Variants in FYCO1 observed in about 807,000 individuals in gnomAD.
FYCO1 encodes the protein FYVE and coiled-coil domain-containing protein 1.
Under a neutral mutation model 165.1 loss-of-function variants are expected in FYCO1, and 122 were observed. The ratio of observed to expected loss-of-function variants is 0.74; its 90% CI spans 0.64 to 0.86. The LOEUF (loss-of-function observed/expected upper bound fraction) is 0.86, where lower values mean the gene tolerates loss of function less well. Among genes scored for constraint, FYCO1 ranks in the 40% least tolerant of loss-of-function variants. The pLI is 0.00. For missense variants in FYCO1, 1,702 were observed against 1,810.3 expected (o/e 0.94, Z 1.09); for synonymous variants, 648 against 742.5 (o/e 0.87, Z 2.07).
rs750023102 is a variant in FYCO1, at chr3:45,958,576, C to G, written c.3631G>C (p.Val1211Leu). The G allele has an allele frequency of 1.9e-6, 3 of 1,614,188 alleles. No individual in the cohort carries two copies. In the South Asian group the frequency reaches 3.3e-5, roughly 18 times the overall value. Residue 1211 changes from valine to leucine, a missense_variant, in exon 13 of 18, where the codon GTC becomes CTC. Transcript: ENST00000296137. ...TTTTTGCCACCGTGCTTGCTCAGGA[C>G]GTAGTTGTTGCAGCAGTAGTAACAG... ...IFCYYCCNNY[V>L]LSKHGGKKER...
At chr3:45,949,156 C>G (rs573666607) in intron 14 of FYCO1, among the ~76,000 whole-genome samples, 1 of 152,174 alleles carries the variant, frequency 6.6e-6, no homozygotes, top group African/African-American at 2.4e-5. Flanking sequence ...CCCACATGAT[C>G]CTACCTACTG....
chr3:45,947,242 G>C, intron 14 of FYCO1: 1 of 1,614,112 alleles, frequency 6.2e-7, no homozygotes, highest in Non-Finnish European at 8.5e-7. Context: ...AAGTTCATCC[G>C]CAGCACACAC....
At chr3:45,987,698 G>C (rs1237610660) in intron 1 of FYCO1, among the ~76,000 whole-genome samples, 4 of 152,180 alleles carry the variant, frequency 2.6e-5, no homozygotes, top group Non-Finnish European at 4.4e-5. Context: ...AGCCCACTGG[G>C]TCTGTGTGTA....
chr3:45,948,237 T>C lies in FYCO1; in HGVS notation c.3944+7012A>G, dbSNP rs1445710492. On this transcript the variant is annotated intron_variant, in intron 14 of 17. Transcript: ENST00000296137. The stretch of plus-strand genomic sequence containing the variant: ...GCATTTTAAAAATGAAATTTTCCAA[T>C]GTCTGCCACACAAACGTATGTAAAT... The C allele has an allele frequency of 2.4e-5, 4 of 167,192 alleles. No homozygotes were observed. In the East Asian group the frequency reaches 7.7e-4, roughly 32 times the overall value. 10.4% of individuals were successfully genotyped at this position (167,192 alleles called of 1,614,324 possible). A position where few individuals can be genotyped will look rare whatever the true frequency, so the allele number is the denominator to read the frequency against.
intron 14 of FYCO1, among the ~76,000 whole-genome samples, chr3:45,952,177 G>T (rs1205141390): frequency 1.3e-5 from 2 of 152,200 alleles, no homozygotes; most frequent in Non-Finnish European, 2.9e-5. Flanking sequence ...TGGTGCAAGG[G>T]AGGCGCTCAA....
chr3:45,924,815 G>A (rs1262633949), intron 16 of FYCO1, among the ~76,000 whole-genome samples: 1 of 152,094 alleles, frequency 6.6e-6, no homozygotes, highest in Non-Finnish European at 1.5e-5. Flanking sequence ...GTTTCACCAT[G>A]TTGGCCAGGT....
chr3:45,942,024 T>C (rs1484221599), intron 14 of FYCO1, among the ~76,000 whole-genome samples: 1 of 152,368 alleles, frequency 6.6e-6, no homozygotes, highest in East Asian at 1.9e-4. Context: ...CATCGGTATG[T>C]AGTCTATGCG....
intron 16 of FYCO1, among the ~76,000 whole-genome samples, chr3:45,929,990 C>G (rs968444150): frequency 1.3e-5 from 2 of 152,174 alleles, no homozygotes; most frequent in Non-Finnish European, 2.9e-5. Flanking sequence ...GCCTCAAGCC[C>G]CTCGAGGGCA....
At chr3:45,930,705 T>C (rs973809103) in intron 16 of FYCO1, among the ~76,000 whole-genome samples, 2 of 152,112 alleles carry the variant, frequency 1.3e-5, no homozygotes, top group African/African-American at 4.8e-5. Flanking sequence ...GGAAGAGAGG[T>C]CACCACCTCC....
Position 45,967,173 on chromosome 3 carries a change from G to A in FYCO1, c.2161C>T (p.Gln721Ter). 5 of 1,613,416 alleles carry A rather than the reference G, an allele frequency of 3.1e-6. No individual in the cohort carries two copies. The highest frequency in any genetic ancestry group is 4.2e-6 in the Non-Finnish European group (5 of 1,179,550). Residue 721 changes from glutamine (Q) to a stop codon, truncating the protein, a stop_gained, in exon 8 of 18, where the codon CAA becomes TAA. Transcript: ENST00000296137. LOFTEE classifies it high-confidence loss of function. The part of the protein sequence containing the change: ...QLREEVEQCQ[Q>*]LAEARHRELR... ...TCTCTGTGCCGGGCTTCTGCCAGTT[G>A]CTGGCACTGCTCCACCTCCTCCCGC...
intron 3 of FYCO1, among the ~76,000 whole-genome samples, chr3:45,980,570 G>A (rs1480489925): frequency 6.6e-6 from 1 of 152,062 alleles, no homozygotes; most frequent in African/African-American, 2.4e-5. Flanking sequence ...AAAAAAGAAA[G>A]GCTCAAAAAC....
chr3:45,955,771 T>C (rs41289616), intron 13 of FYCO1, among the ~76,000 whole-genome samples: 14,282 of 152,310 alleles, frequency 0.094, 1,047 homozygotes, highest in South Asian at 0.35. Context: ...ATCCTTGCTC[T>C]GTAAGACACA....
chr3:45,984,443 A>G, intron 2 of FYCO1: 1 of 350,816 alleles, frequency 2.9e-6, no homozygotes. Flanking sequence ...GGGCAGCAAA[A>G]CAAGATAGGT....
Position 45,921,450 on chromosome 3 carries a change from C to A in FYCO1, c.*315G>T, listed in dbSNP as rs2291470. On this transcript the variant is annotated 3_prime_UTR_variant, in exon 18 of 18. Transcript: ENST00000296137. ...GAAACTCTCCACAAGAGGCCTGTAG[C>A]CAACTGTGCTCCCAGGAGAGGCTGA... The A allele has an allele frequency of 2.6e-6, 1 of 385,868 alleles. No homozygotes were observed. Among genetic ancestry groups the A allele is most frequent in the African/African-American group, 2.1e-5 (1 of 47,996 alleles). 23.9% of individuals were successfully genotyped at this position (385,868 alleles called of 1,614,324 possible).
At position 45,969,675 on chromosome 3, in the gene FYCO1, C is replaced by A. The variant is rs1229531660; in HGVS notation, c.630G>T (p.Gln210His). Residue 210 changes from glutamine to histidine, a missense_variant and splice_region_variant, in exon 7 of 18, where the codon CAG becomes CAT. Coordinates refer to ENST00000296137, the MANE Select transcript of FYCO1 (RefSeq NM_024513.4). ...SMSSLVSSYL[Q>H]TQEMVSNFDL... ...TAATTCCCAGCCTTCCTGGCCTTAC[C>A]TGCAGGTAGCTGCTCACCAAGCTGC... 6.2e-7 allele frequency: 1 copy of A among 1,613,390 alleles called. No homozygotes were observed. Among genetic ancestry groups the A allele is most frequent in the Admixed American group, 1.7e-5 (1 of 60,010 alleles).
intron 14 of FYCO1, among the ~76,000 whole-genome samples, chr3:45,938,503 G>A (rs1456583463): frequency 6.6e-6 from 1 of 152,186 alleles, no homozygotes; most frequent in Non-Finnish European, 1.5e-5. Flanking sequence ...TGTTGTTGTT[G>A]TTTGTTTTTG....
In FYCO1 at chr3:45,981,656, T is replaced by C. The variant is rs144455195; in HGVS notation, c.76A>G (p.Lys26Glu). 1.9e-6 allele frequency: 3 copies of C among 1,613,222 alleles called. No individual in the cohort carries two copies. In the African/African-American group the frequency reaches 4.0e-5, roughly 22 times the overall value. The stretch of plus-strand genomic sequence containing the variant: ...GGTTCCCCTGCTTCCTGAAATTCTT[T>C]GCTTAGTTCTGTCACAGCATCTTTA... The part of the protein sequence containing the change: ...DLQDAVTELS[K>E]EFQEAGEPIT... The change falls in exon 3 of 18, where the codon AAA (lysine) becomes GAA (glutamate). Residue 26 changes from lysine to glutamate, a missense_variant. By Grantham distance (56) the Lys-to-Glu change is moderately conservative. Transcript: ENST00000296137.
At chr3:45,950,168 C>T (rs1279542502) in intron 14 of FYCO1, among the ~76,000 whole-genome samples, 1 of 152,048 alleles carries the variant, frequency 6.6e-6, no homozygotes, top group Non-Finnish European at 1.5e-5. Context: ...CAGCACATGG[C>T]ATCAGAGGCC....
At chr3:45,985,653 C>T (rs537893992) in intron 1 of FYCO1, among the ~76,000 whole-genome samples, 113 of 152,346 alleles carry the variant, frequency 7.4e-4, no homozygotes, top group Non-Finnish European at 1.1e-3. Context: ...GCTGCCTGGC[C>T]TTCTCTCCAG....
Sources: gnomAD v4.1 joint callset for allele counts (sites outside exome capture counted in the v4.1 genomes callset) on GRCh38, gnomAD v4.1.1 for gene constraint, MANE v1.5 for transcripts, NCBI Gene and HGNC (gene_info 2026-07-23, HGNC 2026-07-21) for gene names.